MAGI1: variants seen among roughly 807,000 people sequenced by gnomAD.
The protein encoded by MAGI1 is membrane associated guanylate kinase, WW and PDZ domain containing 1.
A neutral mutation model predicts 139.9 loss-of-function variants in MAGI1; 58 were observed. The ratio of observed to expected loss-of-function variants is 0.41; its 90% CI spans 0.34 to 0.52. The LOEUF is 0.52. Ranked by LOEUF, MAGI1 falls within the 20% of genes least tolerant of loss-of-function variation. The pLI is 0.12. For synonymous variants in MAGI1, 812 were observed against 737.9 expected (o/e 1.10, Z -1.63); for missense variants, 1,874 against 1,901.6 (o/e 0.99, Z 0.27).
At chr3:65,593,721 T>C (rs536699731) in intron 2 of MAGI1, among the ~76,000 whole-genome samples, 1 of 152,296 alleles carries the variant, frequency 6.6e-6, no homozygotes, top group South Asian at 2.1e-4. Flanking sequence ...CAAGTATTTA[T>C]TGAACGTGTA....
chr3:65,618,787 G>C (rs955349055), intron 2 of MAGI1, among the ~76,000 whole-genome samples: 24 of 152,090 alleles, frequency 1.6e-4, no homozygotes, highest in African/African-American at 5.8e-4. Flanking sequence ...GACAGTGGTT[G>C]AGTCAGTACT....
chr3:65,538,858 G>C (rs1420661046), intron 2 of MAGI1, among the ~76,000 whole-genome samples: 1 of 152,044 alleles, frequency 6.6e-6, no homozygotes, highest in Non-Finnish European at 1.5e-5. Context: ...CCAACAAACA[G>C]ACACACATAC....
At chr3:65,763,799 A>G (rs1362659469) in intron 1 of MAGI1, among the ~76,000 whole-genome samples, 1 of 151,984 alleles carries the variant, frequency 6.6e-6, no homozygotes, top group Non-Finnish European at 1.5e-5. Flanking sequence ...GGCCAGGCAC[A>G]GTGGCTCATA....
chr3:65,548,215 A>C (rs1294852556), intron 2 of MAGI1, among the ~76,000 whole-genome samples: 1 of 152,212 alleles, frequency 6.6e-6, no homozygotes, highest in African/African-American at 2.4e-5. Context: ...GAAGCCACAG[A>C]AACTAGAGCC....
chr3:65,435,025 A>G (rs556276475), intron 10 of MAGI1, among the ~76,000 whole-genome samples: 1 of 152,338 alleles, frequency 6.6e-6, no homozygotes, highest in South Asian at 2.1e-4. Flanking sequence ...ACATGAGGAT[A>G]CAGTGAGAAA....
intron 2 of MAGI1, among the ~76,000 whole-genome samples, chr3:65,577,844 A>T (rs888940610): frequency 9.9e-5 from 15 of 151,990 alleles, no homozygotes; most frequent in African/African-American, 1.4e-4. Context: ...CTCTCATCTC[A>T]CCCTGGCTCA....
rs2107375987 is a variant in MAGI1 at position 65,993,437 on chromosome 3, C to A, written c.313+44559G>T. On this transcript the variant is annotated intron_variant, in intron 1 of 22. Transcript: ENST00000402939. ...AATTAGAAGAACCAGCAAGCCCTTACTGAACACCTACTGAACAAGAATAAC... is the reference window on the plus strand; with the variant it reads ...AATTAGAAGAACCAGCAAGCCCTTAATGAACACCTACTGAACAAGAATAAC... Among the ~76,000 whole-genome samples, 2 of 152,298 alleles carry A rather than the reference C, an allele frequency of 1.3e-5. 1 individual carries two copies. Among genetic ancestry groups the A allele is most frequent in the South Asian group, 4.2e-4 (2 of 4,818 alleles).
chr3:65,555,801 G>A (rs2080057872), intron 2 of MAGI1, among the ~76,000 whole-genome samples: 1 of 152,156 alleles, frequency 6.6e-6, no homozygotes, highest in Admixed American at 6.6e-5. Context: ...AGGCTACAGT[G>A]AGCCATGTTC....
Position 65,967,837 on chromosome 3 carries a change from G to A in MAGI1, c.313+70159C>T, listed in dbSNP as rs566857493. Among the ~76,000 whole-genome samples, 5 of 152,326 alleles carry A rather than the reference G, an allele frequency of 3.3e-5. 1 individual carries two copies. In the South Asian group the frequency reaches 1.0e-3, roughly 32 times the overall value. ...TGAAGACCTCCCAGGGGATGGAAGGGAAGGAAGAGTGAGGAAGGGGATTTC... is the reference window on the plus strand; with the variant it reads ...TGAAGACCTCCCAGGGGATGGAAGGAAAGGAAGAGTGAGGAAGGGGATTTC... On this transcript the variant is annotated intron_variant, in intron 1 of 22. Coordinates refer to ENST00000402939, the MANE Select transcript of MAGI1 (RefSeq NM_001033057.2).
chr3:65,907,091 G>C (rs1383826319), intron 1 of MAGI1, among the ~76,000 whole-genome samples: 3 of 150,522 alleles, frequency 2.0e-5, no homozygotes, highest in African/African-American at 4.9e-5. Flanking sequence ...TGAAGACTAA[G>C]GATTTGTAAA....
At chr3:65,588,856 TC>T (rs993921422) in intron 2 of MAGI1, among the ~76,000 whole-genome samples, 5 of 152,330 alleles carry the variant, frequency 3.3e-5, no homozygotes, top group Admixed American at 2.6e-4. Context: ...TTTGCCTGGC[TC>T]CATCATTTGA....
intron 21 of MAGI1, among the ~76,000 whole-genome samples, chr3:65,361,920 G>A (rs1358959901): frequency 6.6e-6 from 1 of 152,168 alleles, no homozygotes; most frequent in Non-Finnish European, 1.5e-5. Context: ...CCCTTCCCCA[G>A]GTGAGACTTC....
chr3:65,667,061 G>C (rs2086578535), intron 1 of MAGI1, among the ~76,000 whole-genome samples: 1 of 152,208 alleles, frequency 6.6e-6, no homozygotes, highest in South Asian at 2.1e-4. Context: ...TGTTCGCAGT[G>C]AGTGAAAATG....
At chr3:65,762,822 T>C (rs977698771) in intron 1 of MAGI1, among the ~76,000 whole-genome samples, 1 of 152,172 alleles carries the variant, frequency 6.6e-6, no homozygotes, top group Non-Finnish European at 1.5e-5. Flanking sequence ...GTCACACAGC[T>C]AGTAAGTGGC....
chr3:65,375,377 C>T (rs947376504), intron 18 of MAGI1, among the ~76,000 whole-genome samples: 5 of 151,930 alleles, frequency 3.3e-5, no homozygotes, highest in African/African-American at 9.7e-5. Context: ...TTAGTACAGA[C>T]GGGGTTCCAC....
At chr3:65,650,939 T>C (rs967736032) in intron 1 of MAGI1, among the ~76,000 whole-genome samples, 2 of 152,198 alleles carry the variant, frequency 1.3e-5, no homozygotes, top group African/African-American at 4.8e-5. Context: ...AAGGTGCATA[T>C]CTGAAAAATG....
chr3:65,402,521 C>A (rs902782906), intron 12 of MAGI1, among the ~76,000 whole-genome samples: 1 of 152,120 alleles, frequency 6.6e-6, no homozygotes, highest in African/African-American at 2.4e-5. Context: ...TTTCTTTGGG[C>A]AGGAGTTAGA....
intron 5 of MAGI1, among the ~76,000 whole-genome samples, chr3:65,459,636 A>G (rs559943517): frequency 3.3e-5 from 5 of 152,280 alleles, no homozygotes; most frequent in Admixed American, 2.0e-4. Context: ...CTGGCTAGAA[A>G]TTCCAGCATG....
chr3:65,578,626 AACAG>A (rs1225533121), intron 2 of MAGI1, among the ~76,000 whole-genome samples: 1 of 152,178 alleles, frequency 6.6e-6, no homozygotes, highest in Non-Finnish European at 1.5e-5. Flanking sequence ...TCTCAATGAG[AACAG>A]ATATTCAGGC....
Sources: allele counts gnomAD v4.1 joint callset (sites outside exome capture counted in the v4.1 genomes callset), GRCh38; gene constraint gnomAD v4.1.1; transcripts MANE v1.5; gene names NCBI Gene and HGNC (gene_info 2026-07-23, HGNC 2026-07-21).